The following FAM227A variants were observed in gnomAD, a reference collection of about 807,000 sequenced individuals.
The protein encoded by FAM227A is family with sequence similarity 227 member A.
In FAM227A, 80 loss-of-function variants were observed where a neutral mutation model predicts 74.7. The ratio of observed to expected loss-of-function variants is 1.07; its 90% CI spans 0.89 to 1.29. FAM227A has a LOEUF of 1.29. Ranked by LOEUF, FAM227A falls within the 50% of genes most tolerant of loss-of-function variation. The pLI, the probability that FAM227A is intolerant of heterozygous loss-of-function variation, is 0.00. For missense variants in FAM227A, 654 were observed against 683.4 expected, an observed-to-expected ratio of 0.96 and a Z score of 0.48; for synonymous variants, 237 against 241.8, an observed-to-expected ratio of 0.98 and a Z score of 0.19.
At chr22:38,632,049 C>T (rs1161327605) in intron 6 of FAM227A, among the ~76,000 whole-genome samples, 2 of 151,982 alleles carry the variant, frequency 1.3e-5, no homozygotes, top group African/African-American at 2.4e-5. Context: ...CTGGCTGATG[C>T]CCAGGTGGAA....
chr22:38,608,825 T>C (rs2146269827), intron 11 of FAM227A, among the ~76,000 whole-genome samples: 1 of 148,134 alleles, frequency 6.8e-6, no homozygotes, highest in South Asian at 2.2e-4. Flanking sequence ...GAGATGGAGT[T>C]TTGCTCGTTA....
chr22:38,590,479 A>G (rs1344214939), intron 16 of FAM227A, among the ~76,000 whole-genome samples: 2 of 152,182 alleles, frequency 1.3e-5, no homozygotes, highest in African/African-American at 2.4e-5. Context: ...GTCAGCCCAC[A>G]GAAGGGAAGA....
rs998923213 is a variant in FAM227A, at chr22:38,652,281, A to T, written c.-94-2019T>A. Among the ~76,000 whole-genome samples, 8 of 151,904 alleles carry T rather than the reference A, an allele frequency of 5.3e-5. No individual in the cohort carries two copies. In the East Asian group the frequency reaches 1.6e-3, roughly 30 times the overall value. On this transcript the variant is annotated intron_variant, in intron 1 of 16. Transcript: ENST00000535113. ...AATAACAAAAAAGTTAATATATTTG[A>T]GCATATAAAAACAACGCTGACTTTA...
At chr22:38,646,191 A>G (rs887235304) in intron 2 of FAM227A, among the ~76,000 whole-genome samples, 1 of 151,452 alleles carries the variant, frequency 6.6e-6, no homozygotes, top group Non-Finnish European at 1.5e-5. Flanking sequence ...AGAGCCATCC[A>G]TAATGCCACC....
intron 3 of FAM227A, 101 bp downstream of exon 3, chr22:38,645,462 T>G: frequency 4.3e-6 from 3 of 698,008 alleles, no homozygotes; most frequent in Non-Finnish European, 7.4e-6. Flanking sequence ...AAACATGTTT[T>G]CAAATAAATG....
chr22:38,595,727 C>T lies in FAM227A; in HGVS notation c.1532+1477G>A, dbSNP rs183878619. Among the ~76,000 whole-genome samples the T allele has an allele frequency of 1.2e-3, 179 of 152,296 alleles. 1 individual carries two copies. Among genetic ancestry groups the T allele is most frequent in the African/African-American group, 4.1e-3 (171 of 41,562 alleles). On this transcript the variant is annotated intron_variant, in intron 15 of 16. Transcript: ENST00000535113. Reference sequence around the variant, plus strand: ...CTTAGCATCACCAGTAGCAGAGCAACCTGACATGATATGCCTCCTAATGGG... The same window carrying T: ...CTTAGCATCACCAGTAGCAGAGCAATCTGACATGATATGCCTCCTAATGGG...
At chr22:38,644,011 G>C (rs964059884) in intron 3 of FAM227A, among the ~76,000 whole-genome samples, 1 of 152,032 alleles carries the variant, frequency 6.6e-6, no homozygotes, top group South Asian at 2.1e-4. Flanking sequence ...GCCTGGCGTG[G>C]TGGCGGGCGC....
chr22:38,582,726 CCTT>C lies in FAM227A; in HGVS notation c.*3396_*3398del. On this transcript the variant is annotated 3_prime_UTR_variant, in exon 17 of 17. Transcript: ENST00000535113. The stretch of plus-strand genomic sequence containing the variant: ...GTCCTGGGCTTAGAAAATAAGGAGA[CCTT>C]CTTGCTGTATGGGGGCTAATAGTAG... 1.7e-6 allele frequency: 2 copies of C among 1,194,106 alleles called. No homozygotes were observed. Among genetic ancestry groups the C allele is most frequent in the Non-Finnish European group, 2.4e-6 (2 of 849,780 alleles). 74.0% of individuals were successfully genotyped at this position (1,194,106 alleles called of 1,614,324 possible). A position where few individuals can be genotyped will look rare whatever the true frequency, so the allele number is the denominator to read the frequency against.
chr22:38,632,903 C>T (rs937817016), intron 6 of FAM227A, among the ~76,000 whole-genome samples: 1 of 152,160 alleles, frequency 6.6e-6, no homozygotes, highest in Non-Finnish European at 1.5e-5. Context: ...GGTGGGAACC[C>T]AGGCCACAGC....
At chr22:38,640,154 C>T (rs923986950) in intron 3 of FAM227A, among the ~76,000 whole-genome samples, 2 of 152,090 alleles carry the variant, frequency 1.3e-5, no homozygotes, top group African/African-American at 2.4e-5. Context: ...CTGCCTCAGC[C>T]TCCCGAGTAG....
intron 1 of FAM227A, among the ~76,000 whole-genome samples, chr22:38,653,462 C>T (rs968809823): frequency 5.9e-5 from 9 of 151,556 alleles, no homozygotes; most frequent in Middle Eastern, 3.2e-3. Context: ...GTGCAAACTC[C>T]GCCTCCTGGG....
intron 11 of FAM227A, among the ~76,000 whole-genome samples, chr22:38,614,647 A>C (rs1022281993): frequency 3.3e-5 from 5 of 152,164 alleles, no homozygotes; most frequent in African/African-American, 4.8e-5. Context: ...TACTCCCTCT[A>C]TCCTGGTTTG....
At chr22:38,594,553 C>G (rs1359114458) in intron 15 of FAM227A, among the ~76,000 whole-genome samples, 1 of 152,152 alleles carries the variant, frequency 6.6e-6, no homozygotes, top group African/African-American at 2.4e-5. Flanking sequence ...TTTTATTTAA[C>G]CAATCATCTT....
rs1189922618 is a variant in FAM227A, at chr22:38,650,129, T to G, written c.40A>C (p.Thr14Pro). The change falls in exon 2 of 17, where the codon ACC becomes CCC. Residue 14 changes from threonine to proline, a missense_variant. By Grantham distance (38) the Thr-to-Pro change is conservative. Transcript: ENST00000535113. The part of the protein sequence containing the change: ...FRKMEVINLT[T>P]LPMIPVDEHL... The stretch of plus-strand genomic sequence containing the variant: ...TCATCCACTGGTATCATAGGTAGGG[T>G]GGTGAGGTTGATGACCTCCATCTTC... 2.6e-6 allele frequency: 4 copies of G among 1,551,724 alleles called. No homozygotes were observed. Among genetic ancestry groups the G allele is most frequent in the Non-Finnish European group, 3.5e-6 (4 of 1,146,984 alleles).
chr22:38,626,913 T>TATACAC (rs34078214), intron 8 of FAM227A, among the ~76,000 whole-genome samples: 118 of 89,806 alleles, frequency 1.3e-3, no homozygotes, highest in Non-Finnish European at 2.1e-3. Context: ...TATATATATA[T>TATACAC]ACACGTATAT....
chr22:38,636,350 C>A, intron 6 of FAM227A, 101 bp downstream of exon 6: 1 of 1,305,466 alleles, frequency 7.7e-7, no homozygotes, highest in Non-Finnish European at 1.0e-6. Flanking sequence ...AAGCCTGTGG[C>A]CCTAGGTGAG....
At chr22:38,620,739 G>A (rs2091671517) in intron 10 of FAM227A, among the ~76,000 whole-genome samples, 1 of 151,504 alleles carries the variant, frequency 6.6e-6, no homozygotes, top group South Asian at 2.1e-4. Flanking sequence ...ATCCTGGGAG[G>A]TGGAGCTTGC....
At chr22:38,649,374 G>C (rs1343812648) in intron 2 of FAM227A, among the ~76,000 whole-genome samples, 1 of 152,070 alleles carries the variant, frequency 6.6e-6, no homozygotes, top group South Asian at 2.1e-4. Flanking sequence ...AGACCAGCCT[G>C]GCCAACATGG....
In FAM227A at chr22:38,632,817, C is replaced by T. The variant is rs187064205; in HGVS notation, c.519+3634G>A. Among the ~76,000 whole-genome samples, 196 of 152,280 alleles carry T rather than the reference C, an allele frequency of 1.3e-3. 4 individuals carry two copies. Among genetic ancestry groups the T allele is most frequent in the Admixed American group, 0.012 (183 of 15,290 alleles). ...AGTTCTACCAGAGGTCATCTAATAA[C>T]AACAGAAACACAGTCTTTAGATTCG... On this transcript the variant is annotated intron_variant, in intron 6 of 16. Transcript: ENST00000535113.
Sources: allele counts gnomAD v4.1 joint callset (sites outside exome capture counted in the v4.1 genomes callset), GRCh38; gene constraint gnomAD v4.1.1; transcripts MANE v1.5; gene names NCBI Gene and HGNC (gene_info 2026-07-23, HGNC 2026-07-21).